AGAP4: variants seen among roughly 807,000 people sequenced by gnomAD.
The protein encoded by AGAP4 is arf-GAP with GTPase, ANK repeat and PH domain-containing protein 4.
Under a neutral mutation model 60.7 loss-of-function variants are expected in AGAP4, and 13 were observed. That is an observed-to-expected ratio of 0.21 (90% CI 0.14 to 0.34). The LOEUF (loss-of-function observed/expected upper bound fraction) is 0.34. AGAP4 is among the 10% of genes least tolerant of loss of function. AGAP4 has a pLI of 1.00. For synonymous variants in AGAP4, 70 were observed against 339.0 expected (o/e 0.21, Z 8.72); for missense variants, 169 against 884.0 (o/e 0.19, Z 10.26).
At chr10:45,838,038 C>G (rs1158747431) in intron 4 of AGAP4, among the ~76,000 whole-genome samples, 1 of 150,862 alleles carries the variant, frequency 6.6e-6, no homozygotes, top group African/African-American at 2.5e-5. Flanking sequence ...AGCTCAAATG[C>G]CCGTCAATCA....
intron 4 of AGAP4, among the ~76,000 whole-genome samples, chr10:45,837,674 G>C (rs1259284283): frequency 4.0e-5 from 6 of 151,762 alleles, no homozygotes; most frequent in African/African-American, 1.2e-4. Context: ...ACATGCGGGA[G>C]AATGAAACTG....
intron 4 of AGAP4, among the ~76,000 whole-genome samples, chr10:45,836,868 CT>C (rs1308412888): frequency 4.2e-4 from 51 of 121,538 alleles, no homozygotes; most frequent in Non-Finnish European, 6.9e-4. Flanking sequence ...GGTGGATTAT[CT>C]TTTTTTTTTT....
chr10:45,846,954 T>C (rs61857382), intron 1 of AGAP4, among the ~76,000 whole-genome samples, 171 bp downstream of exon 1: 1 of 128,500 alleles, frequency 7.8e-6, no homozygotes, highest in South Asian at 2.6e-4. Flanking sequence ...GGTGGGGAAA[T>C]ACTAAGGGGT....
chr10:45,832,405 T>C lies in AGAP4; in HGVS notation c.498-976A>G, dbSNP rs1590019774. ...CTAAACTCAAATTAAGCAGTGGCTG[T>C]CAAACTTTGCTGCACATTAAAATCG... On this transcript the variant is annotated intron_variant, in intron 5 of 7. Coordinates refer to ENST00000616763, the MANE Select transcript of AGAP4 (RefSeq NM_001276343.3). Among the ~76,000 whole-genome samples, 3 of 149,924 alleles carry C rather than the reference T, an allele frequency of 2.0e-5. 1 individual carries two copies. The South Asian group carries it at 6.4e-4, about 32-fold the overall frequency.
Position 45,831,482 on chromosome 10 carries a change from A to C in AGAP4, c.498-53T>G, listed in dbSNP as rs1179273959. ...TAGATGTTAACATTTGTTAGGCCTG[A>C]AGACATTTTTTAAAAGGGGGGCAGA... On this transcript the variant is annotated intron_variant, in intron 5 of 7. Transcript: ENST00000616763. The C allele has an allele frequency of 2.2e-4, 342 of 1,580,478 alleles. 8 individuals are homozygous for C. In the African/African-American group the frequency reaches 3.9e-3, roughly 18 times the overall value.
upstream of AGAP4, among the ~76,000 whole-genome samples, chr10:45,848,423 C>T (rs1424247145): frequency 2.1e-5 from 3 of 145,812 alleles, no homozygotes; most frequent in South Asian, 2.3e-4. Context: ...CATACAAAAT[C>T]GAGAGCCATA....
At chr10:45,849,348 C>T (rs1353955559), upstream of AGAP4, among the ~76,000 whole-genome samples, 1 of 151,864 alleles carries the variant, frequency 6.6e-6, no homozygotes, top group East Asian at 1.9e-4. Flanking sequence ...TCCCTCGACA[C>T]ATCAGGATTA....
chr10:45,854,193 T>C (rs1236798748), upstream of AGAP4: 306 of 194,040 alleles, frequency 1.6e-3, 1 homozygote, highest in Non-Finnish European at 2.6e-3. Context: ...GTCTGAACTG[T>C]TAACATTCTA....
At chr10:45,854,651 A>G (rs1301067003), upstream of AGAP4, 3 of 149,564 alleles carry the variant, frequency 2.0e-5, no homozygotes, top group Admixed American at 6.7e-5. Context: ...AAAAAAAAAA[A>G]AAAAAAAGAG....
At chr10:45,828,700 T>A (rs2058684537) in intron 6 of AGAP4, among the ~76,000 whole-genome samples, 1 of 123,080 alleles carries the variant, frequency 8.1e-6, no homozygotes, top group African/African-American at 3.1e-5. Context: ...TTTTTTTTTT[T>A]TTTTTTTTTT....
At chr10:45,850,588 A>G (rs1176543437), upstream of AGAP4, among the ~76,000 whole-genome samples, 1 of 152,236 alleles carries the variant, frequency 6.6e-6, no homozygotes, top group East Asian at 1.9e-4. Flanking sequence ...AAATTAAGAG[A>G]CTTTCTCTAA....
At chr10:45,844,441 A>C in intron 2 of AGAP4, 47 bp from the exon 3 acceptor site, 1 of 1,592,536 alleles carries the variant, frequency 6.3e-7, no homozygotes, top group Non-Finnish European at 8.5e-7. Context: ...ATCATTGATA[A>C]AAATTTATCA....
intron 2 of AGAP4, among the ~76,000 whole-genome samples, chr10:45,846,199 C>G (rs1339001105): frequency 7.2e-5 from 11 of 151,820 alleles, no homozygotes; most frequent in Non-Finnish European, 1.5e-4. Context: ...CAGAAAAGAG[C>G]TTCATAGGTA....
intron 1 of AGAP4, among the ~76,000 whole-genome samples, chr10:45,852,598 G>A (rs2059098833): frequency 1.3e-5 from 2 of 151,512 alleles, no homozygotes. Context: ...GAAGCAAAGG[G>A]TCATTTCAAA....
intron 4 of AGAP4, among the ~76,000 whole-genome samples, chr10:45,837,725 G>A (rs1194198670): frequency 6.6e-6 from 1 of 151,338 alleles, no homozygotes; most frequent in Non-Finnish European, 1.5e-5. Flanking sequence ...AACTCAAGAT[G>A]GATCAAGGAC....
At chr10:45,842,727 A>G (rs1430177735) in intron 3 of AGAP4, among the ~76,000 whole-genome samples, 1 of 135,562 alleles carries the variant, frequency 7.4e-6, no homozygotes, top group Non-Finnish European at 1.5e-5. Flanking sequence ...GGCAAAAGTT[A>G]CTACCACTGA....
At chr10:45,850,492 G>A (rs1347441493), upstream of AGAP4, among the ~76,000 whole-genome samples, 1 of 151,984 alleles carries the variant, frequency 6.6e-6, no homozygotes, top group African/African-American at 2.4e-5. Context: ...GGGAATTTCA[G>A]TCATTGAACC....
upstream of AGAP4, among the ~76,000 whole-genome samples, chr10:45,852,217 T>TA (rs781889843): frequency 0.11 from 9,942 of 91,520 alleles, 983 homozygotes; most frequent in African/African-American, 0.19. Flanking sequence ...GGCCAGACTT[T>TA]AAAAAAAAAA....
chr10:45,853,753 C>A (rs2059110578), exon 1 of AGAP4: 3 of 1,287,722 alleles, frequency 2.3e-6, no homozygotes, highest in South Asian at 2.5e-5. Flanking sequence ...CTGGAGAAGA[C>A]CTTACAGTTC....
Sources: gnomAD v4.1 joint callset for allele counts (sites outside exome capture counted in the v4.1 genomes callset) on GRCh38, gnomAD v4.1.1 for gene constraint, MANE v1.5 for transcripts, NCBI Gene and HGNC (gene_info 2026-07-23, HGNC 2026-07-21) for gene names.